The following TECPR2 variants were observed in gnomAD, a reference collection of about 807,000 sequenced individuals.
TECPR2 encodes the protein tectonin beta-propeller repeat-containing protein 2.
Under a neutral mutation model 138.1 loss-of-function variants are expected in TECPR2, and 65 were observed. The observed-to-expected ratio is 0.47, with a 90% CI of 0.39 to 0.58. TECPR2 has a LOEUF of 0.58. Among genes scored for constraint, TECPR2 ranks in the 20% least tolerant of loss-of-function variants. The probability of loss-of-function intolerance (pLI) is 0.00; values close to 1 mark genes in which losing one functional copy is unlikely to be tolerated. For missense variants in TECPR2, 1,553 were observed against 1,824.5 expected, an observed-to-expected ratio of 0.85 and a Z score of 2.71; for synonymous variants, 746 against 749.8, an observed-to-expected ratio of 0.99 and a Z score of 0.08.
At chr14:102,389,893 A>C (rs933358994) in intron 2 of TECPR2, among the ~76,000 whole-genome samples, 43 of 152,226 alleles carry the variant, frequency 2.8e-4, no homozygotes, top group African/African-American at 1.0e-3. Flanking sequence ...AGAAAAGCAG[A>C]TATCTTTGTT....
chr14:102,429,471 T>TAA (rs1485320302), intron 7 of TECPR2, among the ~76,000 whole-genome samples: 3 of 152,244 alleles, frequency 2.0e-5, no homozygotes, highest in Non-Finnish European at 2.9e-5. Context: ...TTTGACATTT[T>TAA]TTGGTAATTC....
In TECPR2 at chr14:102,498,409, TTC is replaced by T; in HGVS notation, c.*154_*155del. The T allele has an allele frequency of 9.8e-7, 1 of 1,017,570 alleles. No individual in the cohort carries two copies. 63.0% of individuals were successfully genotyped at this position (1,017,570 alleles called of 1,614,324 possible). On this transcript the variant is annotated 3_prime_UTR_variant, in exon 20 of 20. Coordinates refer to ENST00000359520, the MANE Select transcript of TECPR2 (RefSeq NM_014844.5). ...CACACTTACTTTCATCTATGTTGGTTTCTGTCTCGTTCCAGAACCCACAGCCT... is the reference window on the plus strand; with the variant it reads ...CACACTTACTTTCATCTATGTTGGTTTGTCTCGTTCCAGAACCCACAGCCT...
intron 16 of TECPR2, among the ~76,000 whole-genome samples, chr14:102,458,069 T>G (rs1328572029): frequency 1.3e-5 from 2 of 151,986 alleles, no homozygotes; most frequent in Non-Finnish European, 2.9e-5. Flanking sequence ...AGACGGTGTT[T>G]CACTGTGTTG....
chr14:102,467,623 G>C (rs1890574507), intron 17 of TECPR2, among the ~76,000 whole-genome samples: 1 of 151,964 alleles, frequency 6.6e-6, no homozygotes, highest in African/African-American at 2.4e-5. Context: ...ACTGCGCCTG[G>C]CCTTTCCAAT....
chr14:102,367,590 C>G (rs1022840661), intron 1 of TECPR2, among the ~76,000 whole-genome samples: 1 of 152,154 alleles, frequency 6.6e-6, no homozygotes, highest in Non-Finnish European at 1.5e-5. Context: ...GTACTTCATT[C>G]CTTTTTATTG....
intron 1 of TECPR2, among the ~76,000 whole-genome samples, chr14:102,365,660 C>G (rs1887328098): frequency 6.6e-6 from 1 of 152,158 alleles, no homozygotes. Flanking sequence ...GATGAAATCT[C>G]CAGAATAGGC....
intron 13 of TECPR2, among the ~76,000 whole-genome samples, chr14:102,448,848 C>T (rs540849281): frequency 6.6e-6 from 1 of 151,914 alleles, no homozygotes; most frequent in Non-Finnish European, 1.5e-5. Flanking sequence ...GCCTGGGTGG[C>T]AGGGCAAGAC....
intron 5 of TECPR2, among the ~76,000 whole-genome samples, chr14:102,416,485 T>G (rs1245239589): frequency 1.3e-5 from 2 of 152,218 alleles, no homozygotes; most frequent in Non-Finnish European, 1.5e-5. Flanking sequence ...TCCCTTTCGG[T>G]CCCTGGAGAA....
In TECPR2 at chr14:102,434,951, C is replaced by T; in HGVS notation, c.2134C>T (p.Pro712Ser). The T allele has an allele frequency of 1.2e-6, 2 of 1,614,048 alleles. No homozygotes were observed. Residue 712 changes from proline (P) to serine (S), a missense_variant, in exon 9 of 20, where the codon CCC (proline) becomes TCC (serine). Coordinates refer to ENST00000359520, the MANE Select transcript of TECPR2 (RefSeq NM_014844.5). ...TDDDTGQKEI[P>S]ISERVLGSVG... ...TGATGACACAGGTCAGAAAGAAATA[C>T]CCATTTCTGAACGTGTCTTGGGGAG...
chr14:102,462,685 G>A (rs1364098891), intron 16 of TECPR2, among the ~76,000 whole-genome samples: 1 of 152,174 alleles, frequency 6.6e-6, no homozygotes, highest in East Asian at 1.9e-4. Flanking sequence ...AGCTAATGGA[G>A]CTGCACACCT....
intron 17 of TECPR2, among the ~76,000 whole-genome samples, chr14:102,492,831 A>G (rs942458306): frequency 2.0e-5 from 3 of 152,216 alleles, no homozygotes; most frequent in Non-Finnish European, 2.9e-5. Flanking sequence ...TCTTCCCACC[A>G]TGTTCTGTTC....
intron 17 of TECPR2, among the ~76,000 whole-genome samples, chr14:102,466,724 T>G (rs749031015): frequency 2.6e-5 from 4 of 152,172 alleles, no homozygotes; most frequent in Non-Finnish European, 5.9e-5. Context: ...GGCTTTAGCA[T>G]CAGTTAGCAG....
intron 1 of TECPR2, among the ~76,000 whole-genome samples, chr14:102,367,620 G>T (rs76451704): frequency 0.017 from 2,579 of 152,246 alleles, 80 homozygotes; most frequent in African/African-American, 0.059. Context: ...CTTCCATTGT[G>T]TGGATAGATC....
chr14:102,426,798 G>C (rs1889333530), intron 6 of TECPR2, among the ~76,000 whole-genome samples: 1 of 152,198 alleles, frequency 6.6e-6, no homozygotes, highest in Admixed American at 6.5e-5. Context: ...GGCGGAGGTT[G>C]CAATGAGCCA....
chr14:102,410,026 A>T (rs1888781214), intron 4 of TECPR2, among the ~76,000 whole-genome samples: 1 of 150,828 alleles, frequency 6.6e-6, no homozygotes, highest in Admixed American at 6.6e-5. Context: ...GGATGGTTTC[A>T]ATCTCCTGAC....
At chr14:102,440,752 G>A in intron 11 of TECPR2, 143 bp downstream of exon 11, 1 of 1,147,884 alleles carries the variant, frequency 8.7e-7, no homozygotes, top group Non-Finnish European at 1.2e-6. Flanking sequence ...TGGGAAGAGA[G>A]TATTTGCCAT....
At chr14:102,482,717 C>T (rs1890920168) in intron 17 of TECPR2, among the ~76,000 whole-genome samples, 1 of 152,096 alleles carries the variant, frequency 6.6e-6, no homozygotes, top group South Asian at 2.1e-4. Context: ...CATCTGTGTT[C>T]ACCCTTGACC....
chr14:102,414,406 G>T (rs1038894434), intron 4 of TECPR2, among the ~76,000 whole-genome samples: 2 of 152,206 alleles, frequency 1.3e-5, no homozygotes, highest in Non-Finnish European at 2.9e-5. Context: ...AATGTTTCCT[G>T]TCAAACTGGA....
In TECPR2 at chr14:102,449,685, C is replaced by A. The variant is rs1463061657; in HGVS notation, c.3132C>A (p.Ile1044=). 1.2e-6 allele frequency: 2 copies of A among 1,614,198 alleles called. No individual in the cohort carries two copies. Among genetic ancestry groups the A allele is most frequent in the Admixed American group, 1.7e-5 (1 of 60,018 alleles). The part of the protein sequence containing the change: ...FDQCSLFQTI[I]HATHSVATAA... ...AGTGCAGCTTATTTCAGACGATAAT[C>A]CATGCCACTCACTCGGTGGCCACAG... The change falls in exon 14 of 20, where the codon ATC becomes ATA. Residue 1044 remains isoleucine (I), a synonymous_variant. Transcript: ENST00000359520.
Sources: allele counts gnomAD v4.1 joint callset (sites outside exome capture counted in the v4.1 genomes callset), GRCh38; gene constraint gnomAD v4.1.1; transcripts MANE v1.5; gene names NCBI Gene and HGNC (gene_info 2026-07-23, HGNC 2026-07-21).